The following GRIN2A variants were observed in gnomAD, a reference collection of about 807,000 sequenced individuals.
The protein encoded by GRIN2A is glutamate ionotropic receptor NMDA type subunit 2A, also known as glutamate receptor ionotropic, NMDA 2A.
In GRIN2A, 22 loss-of-function variants were observed where a neutral mutation model predicts 113.4. That is an observed-to-expected ratio of 0.19 (90% CI 0.14 to 0.28). GRIN2A has a LOEUF of 0.28. Ranked by LOEUF, GRIN2A falls within the 10% of genes least tolerant of loss-of-function variation. The pLI is 1.00. For synonymous variants in GRIN2A, 827 were observed against 738.4 expected (o/e 1.12, Z -1.94); for missense variants, 1,502 against 1,887.0 (o/e 0.80, Z 3.78).
chr16:9,885,416 A>G (rs956819980), intron 4 of GRIN2A, among the ~76,000 whole-genome samples: 2 of 152,196 alleles, frequency 1.3e-5, no homozygotes, highest in African/African-American at 4.8e-5. Flanking sequence ...GAGAAAAGGC[A>G]TGGAAGTCCC....
chr16:9,761,114 C>T lies in GRIN2A; in HGVS notation c.*2035G>A, dbSNP rs1002271943. 1 of 232,812 alleles carries T rather than the reference C, an allele frequency of 4.3e-6. No homozygotes were observed. Among genetic ancestry groups the T allele is most frequent in the South Asian group, 1.8e-4 (1 of 5,526 alleles). 14.4% of individuals were successfully genotyped at this position (232,812 alleles called of 1,614,324 possible). On this transcript the variant is annotated 3_prime_UTR_variant, in exon 13 of 13. Transcript: ENST00000330684. ...AAAGGAAGCTCCTCTCACCCACTGCCTCCCTCTGTCTCCCTATGATTGACC... is the reference window on the plus strand; with the variant it reads ...AAAGGAAGCTCCTCTCACCCACTGCTTCCCTCTGTCTCCCTATGATTGACC...
chr16:9,812,528 C>G (rs188578074), intron 10 of GRIN2A, among the ~76,000 whole-genome samples: 1 of 152,092 alleles, frequency 6.6e-6, no homozygotes, highest in Admixed American at 6.5e-5. Context: ...AATCCCACTA[C>G]TTGGGAGGCT....
rs146940171 is a variant in GRIN2A, at chr16:9,913,584, C to T, written c.1008-22484G>A. ...GTGCTGGGTGTTTAACATAAGTTAT[C>T]GCATTTTATACTTCAGCAGCTCTGG... On this transcript the variant is annotated intron_variant, in intron 3 of 12. Transcript: ENST00000330684. Among the ~76,000 whole-genome samples, 188 of 152,228 alleles carry T rather than the reference C, an allele frequency of 1.2e-3. 2 individuals are homozygous for T. The highest frequency in any genetic ancestry group is 4.1e-3 in the African/African-American group (170 of 41,526).
chr16:10,037,961 C>T (rs1213513933), intron 2 of GRIN2A, among the ~76,000 whole-genome samples: 1 of 152,214 alleles, frequency 6.6e-6, no homozygotes, highest in Non-Finnish European at 1.5e-5. Flanking sequence ...AGCAGTCCTT[C>T]CAGACAAACC....
chr16:9,931,830 A>G (rs1419025184), intron 3 of GRIN2A, among the ~76,000 whole-genome samples: 1 of 152,192 alleles, frequency 6.6e-6, no homozygotes, highest in Non-Finnish European at 1.5e-5. Flanking sequence ...TATGTGTGCA[A>G]AAACACCTGT....
intron 2 of GRIN2A, among the ~76,000 whole-genome samples, chr16:9,940,379 G>A (rs913519559): frequency 6.6e-6 from 1 of 151,976 alleles, no homozygotes; most frequent in Non-Finnish European, 1.5e-5. Context: ...AATTAAAGTG[G>A]GTAATAGATT....
intron 2 of GRIN2A, among the ~76,000 whole-genome samples, chr16:10,107,959 G>C (rs1215822143): frequency 6.6e-6 from 1 of 152,204 alleles, no homozygotes; most frequent in African/African-American, 2.4e-5. Context: ...GGAAAGTACA[G>C]TTTGAGGGAA....
intron 2 of GRIN2A, among the ~76,000 whole-genome samples, chr16:10,027,042 T>C (rs1460126640): frequency 6.6e-6 from 1 of 152,226 alleles, no homozygotes; most frequent in African/African-American, 2.4e-5. Flanking sequence ...CTAGTGCTTA[T>C]TATCAGCTGA....
At chr16:10,152,740 G>T (rs979018741) in intron 2 of GRIN2A, among the ~76,000 whole-genome samples, 3 of 152,078 alleles carry the variant, frequency 2.0e-5, no homozygotes, top group Admixed American at 6.6e-5. Context: ...CCAGACAATA[G>T]AATATTATTC....
chr16:9,916,822 T>C (rs1190460275), intron 3 of GRIN2A, among the ~76,000 whole-genome samples: 3 of 152,200 alleles, frequency 2.0e-5, no homozygotes, highest in African/African-American at 7.2e-5. Context: ...TCATTTAACA[T>C]ATGAAAGGAA....
intron 3 of GRIN2A, among the ~76,000 whole-genome samples, chr16:9,922,313 A>C (rs900138132): frequency 7.0e-6 from 1 of 143,478 alleles, no homozygotes; most frequent in Non-Finnish European, 1.5e-5. Flanking sequence ...CTGCAGATTT[A>C]AAAAAAAAAA....
At position 10,180,240 on chromosome 16, in the gene GRIN2A, C is replaced by T. The variant is rs143833346; in HGVS notation, c.172G>A (p.Glu58Lys). The change falls in exon 2 of 13, where the codon GAG (glutamate) becomes AAG (lysine). Residue 58 changes from glutamate to lysine, a missense_variant. Coordinates refer to ENST00000330684, the MANE Select transcript of GRIN2A (RefSeq NM_001134407.3). This position sits in a 1 kb window ranked among gnomAD's most constrained non-coding sequence, Gnocchi z 7.0. Reference sequence around the variant, plus strand: ...TCCAGGGGCAGCCCCGCCGCCTGCTCGGGGCCCCACAGTGTTCGAAGTTCG... The same window carrying T: ...TCCAGGGGCAGCCCCGCCGCCTGCTTGGGGCCCCACAGTGTTCGAAGTTCG... ...ERELRTLWGP[E>K]QAAGLPLDVN... 3.3e-5 allele frequency: 54 copies of T among 1,614,040 alleles called. No homozygotes were observed. The highest frequency in any genetic ancestry group is 4.4e-5 in the Non-Finnish European group (52 of 1,180,018).
chr16:10,111,725 T>A, intron 2 of GRIN2A: 1 of 1,532,696 alleles, frequency 6.5e-7, no homozygotes, highest in African/African-American at 1.4e-5. Context: ...CAGGGCTTCA[T>A]CACGGACCCC....
chr16:9,848,626 A>G (rs1003751479), intron 5 of GRIN2A, among the ~76,000 whole-genome samples: 2 of 147,642 alleles, frequency 1.4e-5, no homozygotes, highest in African/African-American at 4.9e-5. Context: ...TATTTTTAAT[A>G]TATAAAAACA....
chr16:9,770,647 T>G (rs1311504203), intron 11 of GRIN2A, among the ~76,000 whole-genome samples: 1 of 152,218 alleles, frequency 6.6e-6, no homozygotes, highest in African/African-American at 2.4e-5. Context: ...GATGTGGGTT[T>G]GTTTTATTGG....
chr16:10,173,487 C>T (rs2050083211), intron 2 of GRIN2A, among the ~76,000 whole-genome samples: 1 of 152,192 alleles, frequency 6.6e-6, no homozygotes, highest in African/African-American at 2.4e-5. Context: ...AATTGGCAAA[C>T]ACCTATGAAA....
intron 10 of GRIN2A, among the ~76,000 whole-genome samples, chr16:9,801,385 C>T (rs1596431864): frequency 1.3e-5 from 2 of 152,218 alleles, no homozygotes; most frequent in Non-Finnish European, 2.9e-5. Context: ...CACATGGGCA[C>T]ATTCAAACAT....
intron 2 of GRIN2A, among the ~76,000 whole-genome samples, chr16:10,094,909 G>A (rs1254825222): frequency 4.1e-5 from 6 of 144,964 alleles, no homozygotes; most frequent in East Asian, 2.0e-4. Flanking sequence ...AAAAAAATGA[G>A]GACTTCTAGG....
intron 2 of GRIN2A, among the ~76,000 whole-genome samples, chr16:10,149,089 G>C (rs2049508311): frequency 6.6e-6 from 1 of 152,224 alleles, no homozygotes; most frequent in African/African-American, 2.4e-5. Flanking sequence ...TTGGGGGTGT[G>C]AGGGCAGGGA....
Sources: allele counts gnomAD v4.1 joint callset (sites outside exome capture counted in the v4.1 genomes callset), GRCh38; gene constraint gnomAD v4.1.1; non-coding constraint Gnocchi (gnomAD v3.1); transcripts MANE v1.5; gene names NCBI Gene and HGNC (gene_info 2026-07-23, HGNC 2026-07-21).